The following PHACTR2 variants were observed in gnomAD, a reference collection of about 807,000 sequenced individuals.
PHACTR2 encodes chromosome 6 open reading frame 56.
Under a neutral mutation model 76.0 loss-of-function variants are expected in PHACTR2, and 30 were observed. The ratio of observed to expected loss-of-function variants is 0.39; its 90% confidence interval spans 0.30 to 0.54. PHACTR2 has a LOEUF of 0.54. Ranked by LOEUF, PHACTR2 falls within the 20% of genes least tolerant of loss-of-function variation. PHACTR2 has a pLI of 0.61. For synonymous variants in PHACTR2, 292 were observed against 292.5 expected (o/e 1.00, Z 0.02); for missense variants, 696 against 781.1 (o/e 0.89, Z 1.30).
At chr6:143,657,125 C>T (rs1776862235) in intron 1 of PHACTR2, among the ~76,000 whole-genome samples, 1 of 152,048 alleles carries the variant, frequency 6.6e-6, no homozygotes, top group Non-Finnish European at 1.5e-5. Flanking sequence ...AGACAAATAC[C>T]GAATGCATGC....
intron 1 of PHACTR2, among the ~76,000 whole-genome samples, chr6:143,631,108 T>C (rs1034734546): frequency 5.9e-5 from 9 of 152,242 alleles, no homozygotes; most frequent in Non-Finnish European, 1.3e-4. Context: ...AGAGGAGTTT[T>C]ATGTAGTATC....
At chr6:143,612,874 C>G (rs1174474736) in intron 1 of PHACTR2, among the ~76,000 whole-genome samples, 1 of 152,198 alleles carries the variant, frequency 6.6e-6, no homozygotes, top group African/African-American at 2.4e-5. Context: ...AAGCAAATGA[C>G]AGTATTTTCC....
rs763529590 is a variant in PHACTR2 at position 143,767,336 on chromosome 6, A to G, written c.1232+1538A>G. On this transcript the variant is annotated intron_variant, in intron 6 of 12. Transcript: ENST00000440869. The surrounding 1 kb of genome is among the most constrained non-coding windows in gnomAD (Gnocchi z 4.4). Reference sequence around the variant, plus strand: ...CATGTTTTCCAAAGCAGTGGCTTCTACTTCTACTGCCATTTCTCTTCTGTT... The same window carrying G: ...CATGTTTTCCAAAGCAGTGGCTTCTGCTTCTACTGCCATTTCTCTTCTGTT... Among the ~76,000 whole-genome samples the G allele has an allele frequency of 2.8e-4, 42 of 152,158 alleles. No homozygotes were observed. The highest frequency in any genetic ancestry group is 5.3e-4 in the Non-Finnish European group (36 of 68,016).
In PHACTR2 at chr6:143,616,491, C is replaced by G. The variant is rs972557557; in HGVS notation, c.13+8169C>G. ...AAAAGCATTTGTACCTTCATTCTTG[C>G]TGTTCTTCCCACCTAGAACGCCTTC... On this transcript the variant is annotated intron_variant, in intron 1 of 11. Transcript: ENST00000305766. The surrounding 1 kb of genome is among the most constrained non-coding windows in gnomAD (Gnocchi z 4.9). Among the ~76,000 whole-genome samples the G allele has an allele frequency of 6.6e-6, 1 of 152,168 alleles. No individual in the cohort carries two copies. The highest frequency in any genetic ancestry group is 1.5e-5 in the Non-Finnish European group (1 of 68,030).
At position 143,608,996 on chromosome 6, in the gene PHACTR2, A is replaced by G. The variant is rs1181309904; in HGVS notation, c.13+674A>G. On this transcript the variant is annotated intron_variant, in intron 1 of 11. Coordinates refer to the PHACTR2 transcript ENST00000305766. This position sits in a 1 kb window ranked among gnomAD's most constrained non-coding sequence, Gnocchi z 4.6. ...TTTTACTTTGCTGTATTGAACTTTT[A>G]GAGGAGATATACTGTGAGATCATGC... Among the ~76,000 whole-genome samples the G allele has an allele frequency of 6.6e-6, 1 of 152,192 alleles. No homozygotes were observed. Among genetic ancestry groups the G allele is most frequent in the Non-Finnish European group, 1.5e-5 (1 of 68,034 alleles).
In PHACTR2 at chr6:143,598,973, G is replaced by A. The variant is rs578219376; in HGVS notation, c.217+61766G>A. On this transcript the variant is annotated intron_variant, in intron 1 of 11. Transcript: ENST00000367584. The surrounding 1 kb of genome is among the most constrained non-coding windows in gnomAD (Gnocchi z 4.1). ...AGTCCTTTGTAATTAAATTTAGATA[G>A]CATCTCACCCCTGACTCTTTTAGAA... Among the ~76,000 whole-genome samples, 14 of 152,150 alleles carry A rather than the reference G, an allele frequency of 9.2e-5. No individual in the cohort carries two copies. Among genetic ancestry groups the A allele is most frequent in the East Asian group, 1.9e-4 (1 of 5,194 alleles).
Position 143,684,392 on chromosome 6 carries a change from C to T in PHACTR2, c.46+6183C>T, listed in dbSNP as rs907851486. ...CCTCCACATGGATCCATCAGCAGGT[C>T]TTGTTCTTTTTTCTTCCCAAATATA... On this transcript the variant is annotated intron_variant, in intron 1 of 12. Transcript: ENST00000440869. This position sits in a 1 kb window ranked among gnomAD's most constrained non-coding sequence, Gnocchi z 4.3. 1.3e-5 allele frequency among the ~76,000 whole-genome samples: 2 copies of T among 152,122 alleles called. No individual in the cohort carries two copies. Among genetic ancestry groups the T allele is most frequent in the African/African-American group, 2.4e-5 (1 of 41,428 alleles).
chr6:143,569,614 G>A (rs979066914), intron 1 of PHACTR2, among the ~76,000 whole-genome samples: 1 of 152,016 alleles, frequency 6.6e-6, no homozygotes, highest in African/African-American at 2.4e-5. Flanking sequence ...TCCAAACTGT[G>A]GCCTACATAC....
chr6:143,620,930 C>T (rs1033363416), intron 1 of PHACTR2, among the ~76,000 whole-genome samples: 4 of 152,194 alleles, frequency 2.6e-5, no homozygotes, highest in Admixed American at 6.5e-5. Flanking sequence ...TGTTGAAGCT[C>T]TCTGTACTAG....
chr6:143,734,650 T>C (rs1476353833), intron 2 of PHACTR2, among the ~76,000 whole-genome samples: 1 of 152,238 alleles, frequency 6.6e-6, no homozygotes, highest in Non-Finnish European at 1.5e-5. Context: ...TTCCCTTTTT[T>C]TTCCATCACA....
intron 11 of PHACTR2, among the ~76,000 whole-genome samples, chr6:143,796,930 A>G (rs1775841907): frequency 6.6e-6 from 1 of 152,202 alleles, no homozygotes; most frequent in Non-Finnish European, 1.5e-5. Context: ...ACATCCAGTA[A>G]TGGAATTGCT....
At chr6:143,660,938 G>GA (rs1456341052) in intron 1 of PHACTR2, among the ~76,000 whole-genome samples, 3 of 152,258 alleles carry the variant, frequency 2.0e-5, no homozygotes, top group Admixed American at 2.0e-4. Flanking sequence ...TGAGGCTTTA[G>GA]AAAAATCTAA....
At position 143,641,694 on chromosome 6, in the gene PHACTR2, C is replaced by T. The variant is rs192485257; in HGVS notation, c.13+33372C>T. Among the ~76,000 whole-genome samples the T allele has an allele frequency of 7.3e-4, 111 of 152,068 alleles. No homozygotes were observed. The highest frequency in any genetic ancestry group is 3.4e-3 in the Middle Eastern group (1 of 294). ...GCTAATTTTGTATTTTGAATAGAGACGGGGTTTCTCCATGTTGGTCAGGCT... is the reference window on the plus strand; with the variant it reads ...GCTAATTTTGTATTTTGAATAGAGATGGGGTTTCTCCATGTTGGTCAGGCT... On this transcript the variant is annotated intron_variant, in intron 1 of 11. Coordinates refer to the PHACTR2 transcript ENST00000305766. The surrounding 1 kb of genome is among the most constrained non-coding windows in gnomAD (Gnocchi z 5.8).
chr6:143,572,554 GGTT>G (rs1391163924), intron 1 of PHACTR2, among the ~76,000 whole-genome samples: 2 of 152,158 alleles, frequency 1.3e-5, no homozygotes, highest in Admixed American at 6.5e-5. Flanking sequence ...TGGTCATTGT[GGTT>G]GTTGTTGTTT....
chr6:143,566,001 G>T (rs1005631605), intron 1 of PHACTR2, among the ~76,000 whole-genome samples: 17 of 152,152 alleles, frequency 1.1e-4, no homozygotes, highest in African/African-American at 2.7e-4. Flanking sequence ...CTTGTGGGGG[G>T]TTATCCTTAG....
At chr6:143,727,217 G>C (rs911994804) in intron 2 of PHACTR2, among the ~76,000 whole-genome samples, 3 of 152,014 alleles carry the variant, frequency 2.0e-5, no homozygotes, top group African/African-American at 7.3e-5. Flanking sequence ...TTGTCTTCCT[G>C]TGCCTGGATT....
chr6:143,672,601 C>T lies in PHACTR2; in HGVS notation c.14-39415C>T, dbSNP rs1777174470. On this transcript the variant is annotated intron_variant, in intron 1 of 11. Transcript: ENST00000305766. This position sits in a 1 kb window ranked among gnomAD's most constrained non-coding sequence, Gnocchi z 5.8. ...TTAGGGCACCTTCAGAATGAATGAGCACCTCTGTGTGGCAAAAATGTGGAT... is the reference window on the plus strand; with the variant it reads ...TTAGGGCACCTTCAGAATGAATGAGTACCTCTGTGTGGCAAAAATGTGGAT... Among the ~76,000 whole-genome samples, 1 of 152,230 alleles carries T rather than the reference C, an allele frequency of 6.6e-6. No individual in the cohort carries two copies. Among genetic ancestry groups the T allele is most frequent in the African/African-American group, 2.4e-5 (1 of 41,466 alleles).
At chr6:143,612,624 C>T (rs1030122585) in intron 1 of PHACTR2, among the ~76,000 whole-genome samples, 3 of 143,214 alleles carry the variant, frequency 2.1e-5, no homozygotes, top group African/African-American at 5.2e-5. Flanking sequence ...CACACACACA[C>T]GTACATAATA....
chr6:143,674,593 T>TCA (rs1380344845), upstream of PHACTR2, among the ~76,000 whole-genome samples: 5 of 152,156 alleles, frequency 3.3e-5, no homozygotes, highest in Non-Finnish European at 7.4e-5. The surrounding 1 kb of genome is among the most constrained non-coding windows in gnomAD (Gnocchi z 4.9). Context: ...ATCAACCATC[T>TCA]CATCTCTTGG....
Sources: gnomAD v4.1 joint callset for allele counts (sites outside exome capture counted in the v4.1 genomes callset) on GRCh38, gnomAD v4.1.1 for gene constraint, Gnocchi (gnomAD v3.1) non-coding constraint, MANE v1.5 for transcripts, NCBI Gene and HGNC (gene_info 2026-07-23, HGNC 2026-07-21) for gene names.